Variants in MAML3 observed in about 807,000 individuals in gnomAD.
MAML3 encodes the protein mastermind-like protein 3.
Under a neutral mutation model 101.9 loss-of-function variants are expected in MAML3, and 27 were observed. The ratio of observed to expected loss-of-function variants is 0.27; its 90% confidence interval spans 0.20 to 0.37. The LOEUF is 0.37. MAML3 is among the 10% of genes least tolerant of loss of function. MAML3 has a pLI of 1.00. For synonymous variants in MAML3, 501 were observed against 555.9 expected, an observed-to-expected ratio of 0.90 and a Z score of 1.39; for missense variants, 1,316 against 1,444.9, an observed-to-expected ratio of 0.91 and a Z score of 1.45.
chr4:140,140,575 A>G (rs1417528841), intron 1 of MAML3, among the ~76,000 whole-genome samples: 2 of 152,180 alleles, frequency 1.3e-5, no homozygotes, highest in African/African-American at 2.4e-5. Flanking sequence ...GAAGGAAGCA[A>G]TAAGATGCTA....
rs538925475 is a variant in MAML3, at chr4:140,151,695, G to C, written c.468+1165C>G. 1.5e-4 allele frequency among the ~76,000 whole-genome samples: 23 copies of C among 149,808 alleles called. 1 individual carries two copies. Among genetic ancestry groups the C allele is most frequent in the Admixed American group, 2.7e-4 (4 of 14,690 alleles). ...AGCACCCGGGCGGCGCGGTGCGGGG[G>C]GGGGGGGCACACACCTTTCCCAAGC... On this transcript the variant is annotated intron_variant, in intron 1 of 4. Transcript: ENST00000509479.
intron 1 of MAML3, among the ~76,000 whole-genome samples, chr4:140,092,370 T>C (rs1182037218): frequency 4.0e-5 from 6 of 151,888 alleles, no homozygotes; most frequent in Non-Finnish European, 8.8e-5. Context: ...TGGGGGAAGA[T>C]CATCAACAAG....
In MAML3 at chr4:139,939,690, C is replaced by T. The variant is rs115159637; in HGVS notation, c.469-48723G>A. ...ATTCAACTATACATTCCGTGAGGGC[C>T]GGGATACCTCCTCTGTCTCTGAACA... On this transcript the variant is annotated intron_variant, in intron 1 of 4. Coordinates refer to ENST00000509479, the MANE Select transcript of MAML3 (RefSeq NM_018717.5). 4.3e-3 allele frequency among the ~76,000 whole-genome samples: 660 copies of T among 151,960 alleles called. 4 individuals are homozygous for T. Among genetic ancestry groups the T allele is most frequent in the African/African-American group, 0.013 (521 of 41,422 alleles).
intron 2 of MAML3, among the ~76,000 whole-genome samples, chr4:139,826,527 A>G (rs1321791823): frequency 6.6e-6 from 1 of 152,234 alleles, no homozygotes; most frequent in East Asian, 1.9e-4. Flanking sequence ...GTCAGCAATT[A>G]GGACACAATT....
chr4:139,974,663 T>C (rs1480643102), intron 1 of MAML3, among the ~76,000 whole-genome samples: 1 of 152,146 alleles, frequency 6.6e-6, no homozygotes. Flanking sequence ...TCAAGTTCTA[T>C]AAACCTTTCA....
chr4:139,792,300 C>T (rs181578578), intron 2 of MAML3, among the ~76,000 whole-genome samples: 2 of 152,092 alleles, frequency 1.3e-5, no homozygotes, highest in African/African-American at 2.4e-5. Flanking sequence ...AATGAGCAAA[C>T]GATATCCTTT....
At chr4:140,047,809 G>T (rs541120404) in intron 1 of MAML3, among the ~76,000 whole-genome samples, 60 of 149,284 alleles carry the variant, frequency 4.0e-4, no homozygotes, top group African/African-American at 1.4e-3. Context: ...TAGCTTGGAG[G>T]AGACTGAACT....
At chr4:139,854,942 G>A (rs374342325) in intron 2 of MAML3, among the ~76,000 whole-genome samples, 14 of 152,266 alleles carry the variant, frequency 9.2e-5, no homozygotes, top group African/African-American at 2.9e-4. Flanking sequence ...TCAACTCCCC[G>A]CCACAGCCTC....
At chr4:139,980,766 C>T (rs1416009873) in intron 1 of MAML3, among the ~76,000 whole-genome samples, 2 of 152,050 alleles carry the variant, frequency 1.3e-5, no homozygotes, top group Non-Finnish European at 2.9e-5. Context: ...TCAAGGAGCT[C>T]GTATTCTGCT....
intron 1 of MAML3, among the ~76,000 whole-genome samples, chr4:139,979,406 C>T (rs1734404072): frequency 6.6e-6 from 1 of 152,146 alleles, no homozygotes; most frequent in Non-Finnish European, 1.5e-5. Flanking sequence ...CACTGCCTCC[C>T]AGCTCCATTT....
At chr4:139,831,265 T>C (rs1273517187) in intron 2 of MAML3, among the ~76,000 whole-genome samples, 2 of 152,154 alleles carry the variant, frequency 1.3e-5, no homozygotes, top group African/African-American at 2.4e-5. Context: ...AAAATTAACA[T>C]TAGACTGCTG....
intron 1 of MAML3, among the ~76,000 whole-genome samples, chr4:140,107,650 G>A (rs1169902739): frequency 1.3e-5 from 2 of 151,448 alleles, no homozygotes; most frequent in Admixed American, 6.6e-5. Flanking sequence ...GATTACAGGC[G>A]CCCACCACCA....
chr4:139,950,540 G>C (rs915174162), intron 1 of MAML3, among the ~76,000 whole-genome samples: 1 of 152,148 alleles, frequency 6.6e-6, no homozygotes, highest in Admixed American at 6.5e-5. Context: ...CCTCAGTAGA[G>C]AGTCCTGTAG....
chr4:139,821,750 C>G (rs1458603846), intron 2 of MAML3, among the ~76,000 whole-genome samples: 1 of 152,186 alleles, frequency 6.6e-6, no homozygotes, highest in Non-Finnish European at 1.5e-5. Flanking sequence ...CTGATAACAA[C>G]AAAATGTGCC....
intron 2 of MAML3, among the ~76,000 whole-genome samples, chr4:139,816,115 G>A (rs1730888925): frequency 6.6e-6 from 1 of 152,244 alleles, no homozygotes; most frequent in East Asian, 1.9e-4. Context: ...TAGAGATGTT[G>A]ATTGCATTGT....
intron 1 of MAML3, among the ~76,000 whole-genome samples, chr4:140,095,435 C>A (rs149068968): frequency 2.0e-4 from 31 of 152,132 alleles, no homozygotes; most frequent in African/African-American, 7.0e-4. Flanking sequence ...CAACACCCTG[C>A]GCTCCAGGCT....
In MAML3 at chr4:140,080,682, C is replaced by A. The variant is rs553498093; in HGVS notation, c.468+72178G>T. The stretch of plus-strand genomic sequence containing the variant: ...GGTAAGAAAATATATGAAAACTTCC[C>A]GTTGTTCGGTTTCCACTCCAACTTA... On this transcript the variant is annotated intron_variant, in intron 1 of 4. Coordinates refer to ENST00000509479, the MANE Select transcript of MAML3 (RefSeq NM_018717.5). Among the ~76,000 whole-genome samples the A allele has an allele frequency of 1.8e-4, 27 of 148,856 alleles. 1 individual carries two copies. Among genetic ancestry groups the A allele is most frequent in the African/African-American group, 5.8e-4 (24 of 41,448 alleles).
intron 2 of MAML3, among the ~76,000 whole-genome samples, chr4:139,827,214 A>G (rs1416283977): frequency 6.6e-6 from 1 of 152,256 alleles, no homozygotes; most frequent in Admixed American, 6.5e-5. Context: ...AAAGACACCC[A>G]AAGAGTGACA....
chr4:140,078,552 G>A (rs1044118345), intron 1 of MAML3, among the ~76,000 whole-genome samples: 1 of 152,126 alleles, frequency 6.6e-6, no homozygotes, highest in African/African-American at 2.4e-5. Flanking sequence ...GGGTGGGGCT[G>A]GAGGAGGGAG....
Sources: allele counts gnomAD v4.1 joint callset (sites outside exome capture counted in the v4.1 genomes callset), GRCh38; gene constraint gnomAD v4.1.1; transcripts MANE v1.5; gene names NCBI Gene and HGNC (gene_info 2026-07-23, HGNC 2026-07-21).